The following CLSTN2 variants were observed in gnomAD, a reference collection of about 807,000 sequenced individuals.
CLSTN2 encodes calsyntenin 2.
A neutral mutation model predicts 101.2 loss-of-function variants in CLSTN2; 48 were observed. The ratio of observed to expected loss-of-function variants is 0.47; its 90% confidence interval spans 0.38 to 0.60. The LOEUF (loss-of-function observed/expected upper bound fraction) is 0.60. Among genes scored for constraint, CLSTN2 ranks in the 20% least tolerant of loss-of-function variants. The pLI, the probability that CLSTN2 is intolerant of heterozygous loss-of-function variation, is 0.00. For synonymous variants in CLSTN2, 481 were observed against 463.6 expected, an observed-to-expected ratio of 1.04 and a Z score of -0.48; for missense variants, 1,160 against 1,238.2, an observed-to-expected ratio of 0.94 and a Z score of 0.95.
intron 1 of CLSTN2, among the ~76,000 whole-genome samples, chr3:140,092,164 A>T (rs898166325): frequency 4.6e-5 from 7 of 152,058 alleles, no homozygotes; most frequent in African/African-American, 1.7e-4. Flanking sequence ...GCCCCCTCAA[A>T]CCTCCTGGCC....
At chr3:140,522,764 T>G (rs1935057590) in intron 8 of CLSTN2, among the ~76,000 whole-genome samples, 1 of 152,258 alleles carries the variant, frequency 6.6e-6, no homozygotes, top group Non-Finnish European at 1.5e-5. Flanking sequence ...TTTAACTTAT[T>G]GATTTATTTT....
rs2107796300 is a variant in CLSTN2 at position 140,566,456 on chromosome 3, CA to C, written c.*204del. On this transcript the variant is annotated 3_prime_UTR_variant, in exon 17 of 17. Coordinates refer to ENST00000458420, the MANE Select transcript of CLSTN2 (RefSeq NM_022131.3). ...GTTCCAAGAAGCCCAGCATGGCCAT[CA>C]GTGAGGACTTCAGGGTAGACTTTGT... 3 of 601,960 alleles carry C rather than the reference CA, an allele frequency of 5.0e-6. No homozygotes were observed. The East Asian group carries it at 8.4e-5, about 17-fold the overall frequency. The allele number at this position is 601,960 out of a possible 1,614,324, so 37.3% of individuals were successfully genotyped here. A position where few individuals can be genotyped will look rare whatever the true frequency, so the allele number is the denominator to read the frequency against.
At chr3:140,255,299 G>A (rs953512898) in intron 2 of CLSTN2, among the ~76,000 whole-genome samples, 2 of 152,026 alleles carry the variant, frequency 1.3e-5, no homozygotes, top group Non-Finnish European at 2.9e-5. Flanking sequence ...CTCACATATG[G>A]GCATACACCC....
chr3:140,323,101 G>A (rs549994470), intron 2 of CLSTN2, among the ~76,000 whole-genome samples: 1 of 152,338 alleles, frequency 6.6e-6, no homozygotes. Context: ...ATTGAATGGT[G>A]GGGACTAAAG....
intron 1 of CLSTN2, among the ~76,000 whole-genome samples, chr3:139,954,124 C>T (rs939643204): frequency 1.3e-5 from 2 of 152,136 alleles, no homozygotes; most frequent in African/African-American, 4.8e-5. Flanking sequence ...TCATCCCCCT[C>T]CAACCCTCCA....
chr3:140,558,256 G>A (rs919278790), intron 11 of CLSTN2, among the ~76,000 whole-genome samples: 1 of 152,224 alleles, frequency 6.6e-6, no homozygotes, highest in Non-Finnish European at 1.5e-5. Context: ...TAGCCCTGGG[G>A]TCTCAATTAG....
intron 2 of CLSTN2, among the ~76,000 whole-genome samples, chr3:140,290,762 C>T (rs2086939196): frequency 6.6e-6 from 1 of 152,200 alleles, no homozygotes; most frequent in Non-Finnish European, 1.5e-5. Flanking sequence ...TTCAAGCCAC[C>T]TTTAGCTGCT....
chr3:140,016,892 C>G (rs1445161253), intron 1 of CLSTN2, among the ~76,000 whole-genome samples: 1 of 151,498 alleles, frequency 6.6e-6, no homozygotes, highest in African/African-American at 2.4e-5. Flanking sequence ...TTTATGTTAT[C>G]TGTAAGCTTC....
At chr3:140,051,102 T>C (rs1302578564) in intron 1 of CLSTN2, among the ~76,000 whole-genome samples, 1 of 152,196 alleles carries the variant, frequency 6.6e-6, no homozygotes, top group African/African-American at 2.4e-5. Context: ...CTGCCCATCC[T>C]TGGGGCCTCC....
At chr3:140,204,110 C>T (rs566394205) in intron 2 of CLSTN2, among the ~76,000 whole-genome samples, 2 of 152,286 alleles carry the variant, frequency 1.3e-5, no homozygotes, top group South Asian at 2.1e-4. Context: ...CCATTTTCTA[C>T]CTGGGTGATC....
chr3:140,297,977 GC>G (rs1279832693), intron 2 of CLSTN2, among the ~76,000 whole-genome samples: 2 of 152,158 alleles, frequency 1.3e-5, no homozygotes, highest in Non-Finnish European at 2.9e-5. Flanking sequence ...AATGTGTACT[GC>G]TTTTATACAA....
At chr3:139,952,657 G>A (rs1417466026) in intron 1 of CLSTN2, among the ~76,000 whole-genome samples, 3 of 152,184 alleles carry the variant, frequency 2.0e-5, no homozygotes, top group African/African-American at 7.2e-5. Context: ...GGAGCAAAAC[G>A]GATGCCTAGG....
At chr3:140,249,207 G>T (rs1452661583) in intron 2 of CLSTN2, among the ~76,000 whole-genome samples, 1 of 152,138 alleles carries the variant, frequency 6.6e-6, no homozygotes, top group Non-Finnish European at 1.5e-5. Flanking sequence ...CCCAGAGAGA[G>T]GCCGTCCTGT....
intron 2 of CLSTN2, among the ~76,000 whole-genome samples, chr3:140,271,462 C>T (rs2086741255): frequency 1.3e-5 from 2 of 152,158 alleles, no homozygotes; most frequent in South Asian, 4.1e-4. Flanking sequence ...TTATTTCCCA[C>T]AGTTCTGGAG....
intron 2 of CLSTN2, among the ~76,000 whole-genome samples, chr3:140,263,116 A>C (rs890255269): frequency 3.3e-5 from 5 of 151,898 alleles, no homozygotes. Flanking sequence ...CAAGGGAAGT[A>C]GTGTCCTCAG....
intron 6 of CLSTN2, chr3:140,454,169 G>A (rs1933333562): frequency 6.6e-6 from 1 of 152,158 alleles, no homozygotes; most frequent in Admixed American, 6.5e-5. Context: ...AGTGAGCAGT[G>A]GGCTTCTTTC....
rs145825530 is a variant in CLSTN2 at position 140,109,523 on chromosome 3, G to A, written c.110-66428G>A. 5.9e-5 allele frequency among the ~76,000 whole-genome samples: 9 copies of A among 152,298 alleles called. No homozygotes were observed. In the East Asian group the frequency reaches 1.7e-3, roughly 29 times the overall value. On this transcript the variant is annotated intron_variant, in intron 1 of 16. Transcript: ENST00000458420. ...CCTGTTGGCTCTGGAGGCCAGGAAT[G>A]GATACAGTGGGGTCATGGGCTTTTT...
In CLSTN2 at chr3:140,478,752, T is replaced by C. The variant is rs1260673816; in HGVS notation, c.1344+12021T>C. ...TGCATACATCATACTTCAATAAAGA[T>C]TAAAAACAAGAACTGAAAAAAGAGG... On this transcript the variant is annotated intron_variant, in intron 8 of 16. Coordinates refer to ENST00000458420, the MANE Select transcript of CLSTN2 (RefSeq NM_022131.3). Among the ~76,000 whole-genome samples the C allele has an allele frequency of 6.1e-5, 8 of 130,872 alleles. No individual in the cohort carries two copies. In the Admixed American group the frequency reaches 6.6e-4, roughly 11 times the overall value. 85.9% of individuals were successfully genotyped at this position (130,872 alleles called of 152,430 possible).
At chr3:140,245,843 A>G (rs141078071) in intron 2 of CLSTN2, among the ~76,000 whole-genome samples, 6 of 152,318 alleles carry the variant, frequency 3.9e-5, no homozygotes, top group South Asian at 2.1e-4. Context: ...GTGGCTTTGC[A>G]CTTTGTGAGC....
Sources: allele counts gnomAD v4.1 joint callset (sites outside exome capture counted in the v4.1 genomes callset), GRCh38; gene constraint gnomAD v4.1.1; transcripts MANE v1.5; gene names NCBI Gene and HGNC (gene_info 2026-07-23, HGNC 2026-07-21).